The following ZNF518A variants were observed in gnomAD, a reference collection of about 807,000 sequenced individuals.
The protein encoded by ZNF518A is zinc finger protein 518.
In ZNF518A, 47 loss-of-function variants were observed where a neutral mutation model predicts 102.7. That is an observed-to-expected ratio of 0.46 (90% CI 0.36 to 0.58). The LOEUF (loss-of-function observed/expected upper bound fraction) is 0.58, where lower values mean the gene tolerates loss of function less well. ZNF518A is among the 20% of genes least tolerant of loss of function. The probability of loss-of-function intolerance (pLI) is 0.00; values close to 1 mark genes in which losing one functional copy is unlikely to be tolerated. For synonymous variants in ZNF518A, 652 were observed against 594.6 expected (o/e 1.10, Z -1.40); for missense variants, 1,793 against 1,699.8 (o/e 1.05, Z -0.96).
chr10:96,138,246 C>T (rs1033635735), intron 3 of ZNF518A, among the ~76,000 whole-genome samples: 2 of 152,152 alleles, frequency 1.3e-5, no homozygotes, highest in African/African-American at 2.4e-5. Flanking sequence ...AATTCTCTGC[C>T]CACAATGCTC....
chr10:96,153,385 C>G (rs916313280), intron 3 of ZNF518A, among the ~76,000 whole-genome samples: 16 of 152,166 alleles, frequency 1.1e-4, no homozygotes, highest in African/African-American at 3.9e-4. Context: ...TCTAGGTATT[C>G]CTTAATCCAG....
At chr10:96,150,168 C>T (rs78756582) in intron 3 of ZNF518A, among the ~76,000 whole-genome samples, 1 of 132,658 alleles carries the variant, frequency 7.5e-6, no homozygotes, top group Admixed American at 7.4e-5. Flanking sequence ...ACTAAAAATA[C>T]AAAAAAAAAA....
chr10:96,176,517 C>A (rs2083205508), intron 1 of ZNF518A, among the ~76,000 whole-genome samples: 1 of 152,168 alleles, frequency 6.6e-6, no homozygotes, highest in South Asian at 2.1e-4. Context: ...ATAATCCCAG[C>A]ATTTTGGGAG....
At chr10:96,138,702 T>C (rs2081746333) in intron 3 of ZNF518A, among the ~76,000 whole-genome samples, 1 of 152,216 alleles carries the variant, frequency 6.6e-6, no homozygotes. Flanking sequence ...TTTTGTCTGT[T>C]TGGTTTACTG....
At chr10:96,165,470 C>CAAAAA (rs35332637), downstream of ZNF518A, among the ~76,000 whole-genome samples, 3 of 112,368 alleles carry the variant, frequency 2.7e-5, no homozygotes, top group African/African-American at 3.0e-5. Flanking sequence ...CAACAACAAC[C>CAAAAA]AAAAAAAAAA....
chr10:96,164,679 C>G (rs1422258813), downstream of ZNF518A, among the ~76,000 whole-genome samples: 1 of 152,064 alleles, frequency 6.6e-6, no homozygotes, highest in African/African-American at 2.4e-5. Flanking sequence ...ATAATTGTTA[C>G]AAGAGTGGAA....
intron 3 of ZNF518A, among the ~76,000 whole-genome samples, chr10:96,143,362 C>T (rs1554877280): frequency 6.6e-6 from 1 of 152,136 alleles, no homozygotes; most frequent in African/African-American, 2.4e-5. Flanking sequence ...TCTCACTTAA[C>T]CTCCCCATCA....
At chr10:96,164,428 G>T (rs1554889620), downstream of ZNF518A, among the ~76,000 whole-genome samples, 1 of 152,056 alleles carries the variant, frequency 6.6e-6, no homozygotes, top group African/African-American at 2.4e-5. Flanking sequence ...TTTCAGGGTG[G>T]TATTTGTTGC....
intron 1 of ZNF518A, among the ~76,000 whole-genome samples, chr10:96,192,246 C>T (rs1166740240): frequency 6.6e-6 from 1 of 152,190 alleles, no homozygotes; most frequent in African/African-American, 2.4e-5. Context: ...AAGGCTGTAA[C>T]CTTCAAGGTG....
At chr10:96,165,375 G>A (rs2083123045), downstream of ZNF518A, among the ~76,000 whole-genome samples, 1 of 151,586 alleles carries the variant, frequency 6.6e-6, no homozygotes, top group Non-Finnish European at 1.5e-5. Context: ...CCCAAAGTCT[G>A]GGATTATAGG....
chr10:96,156,780 A>C lies in ZNF518A; in HGVS notation c.458A>C (p.Glu153Ala). The C allele has an allele frequency of 6.2e-7, 1 of 1,613,960 alleles. No individual in the cohort carries two copies. Among genetic ancestry groups the C allele is most frequent in the South Asian group, 1.1e-5 (1 of 91,088 alleles). Residue 153 changes from glutamate (E) to alanine (A), a missense_variant, in exon 6 of 6, where the codon GAA becomes GCA. Glu to Ala is a moderately radical substitution (Grantham distance 107). This residue lies in a region of ZNF518A where 1,741 missense variants were observed against 1,622.6 expected (regional missense o/e 1.07). Coordinates refer to ENST00000316045, the MANE Select transcript of ZNF518A (RefSeq NM_001330736.2). Reference sequence around the variant, plus strand: ...GGCGAATTACCTTCATATCCTTGTGAAATGTGCAACTTTTCAGCAAATGAC... The same window carrying C: ...GGCGAATTACCTTCATATCCTTGTGCAATGTGCAACTTTTCAGCAAATGAC... Reference protein sequence around the residue: ...HHGELPSYPCEMCNFSANDFQ... With the variant: ...HHGELPSYPCAMCNFSANDFQ...
intron 3 of ZNF518A, among the ~76,000 whole-genome samples, chr10:96,154,133 C>G (rs1257831148): frequency 5.9e-5 from 9 of 152,076 alleles, no homozygotes; most frequent in Non-Finnish European, 1.2e-4. Flanking sequence ...CTTTCTACAC[C>G]CAGCCTGGGC....
rs782696135 is a variant in ZNF518A, at chr10:96,158,637, G to A, written c.2315G>A (p.Ser772Asn). Residue 772 changes from serine (S) to asparagine (N), a missense_variant, in exon 6 of 6, where the codon AGC becomes AAC. Physicochemically the swap from Ser to Asn is conservative, Grantham distance 46. This residue lies in a region of ZNF518A where 1,741 missense variants were observed against 1,622.6 expected (regional missense o/e 1.07). Coordinates refer to ENST00000316045, the MANE Select transcript of ZNF518A (RefSeq NM_001330736.2). Reference protein sequence around the residue: ...PRITSVFSLQSQQASEFLPPE... With the variant: ...PRITSVFSLQNQQASEFLPPE... The stretch of plus-strand genomic sequence containing the variant: ...ATCACATCTGTTTTCTCTCTCCAGA[G>A]CCAACAGGCATCAGAATTTCTGCCA... 8.1e-6 allele frequency: 13 copies of A among 1,613,172 alleles called. No individual in the cohort carries two copies. The East Asian group carries it at 2.9e-4, about 36-fold the overall frequency.
chr10:96,167,736 A>G (rs587758651), downstream of ZNF518A, among the ~76,000 whole-genome samples: 2 of 152,338 alleles, frequency 1.3e-5, no homozygotes, highest in African/African-American at 2.4e-5. Context: ...TCTTCACACT[A>G]TGTACACAAA....
At chr10:96,197,204 G>T in intron 1 of ZNF518A, 1 of 634,146 alleles carries the variant, frequency 1.6e-6, no homozygotes. Flanking sequence ...TTATTGATTA[G>T]CGCTTGTCTT....
In ZNF518A at chr10:96,200,840, T is replaced by C; in HGVS notation, n.36-2734T>C. The C allele has an allele frequency of 1.2e-6, 1 of 819,010 alleles. No individual in the cohort carries two copies. The highest frequency in any genetic ancestry group is 1.8e-5 in the Admixed American group (1 of 55,454). 50.7% of individuals were successfully genotyped at this position (819,010 alleles called of 1,614,324 possible). A position where few individuals can be genotyped will look rare whatever the true frequency, so the allele number is the denominator to read the frequency against. ...ACAACAACTGGGTATTCTGTCCCTA[T>C]TACCAAATGACAGTTCACATAATGA... On this transcript the variant is annotated intron_variant and non_coding_transcript_variant, in intron 1 of 2. Coordinates refer to the ZNF518A transcript ENST00000442635. This position sits in a 1 kb window ranked among gnomAD's most constrained non-coding sequence, Gnocchi z 4.3.
In ZNF518A at chr10:96,157,525, T is replaced by A. The variant is rs1024045902; in HGVS notation, c.1203T>A (p.Gly401=). 1.2e-6 allele frequency: 2 copies of A among 1,613,580 alleles called. No homozygotes were observed. The highest frequency in any genetic ancestry group is 1.7e-6 in the Non-Finnish European group (2 of 1,179,758). ...CAACTCCTCTGTCCACTGGGCAAGG[T>A]AATAGAGCTGAAGAGGGACCAAACG... ...EKPTPLSTGQ[G]NRAEEGPNAS... The change falls in exon 6 of 6, where the codon GGT becomes GGA. Residue 401 remains glycine, a synonymous_variant. Transcript: ENST00000316045.
rs1226203758 is a variant in ZNF518A at position 96,130,689 on chromosome 10, G to A, written c.-516G>A. 8 of 152,360 alleles carry A rather than the reference G, an allele frequency of 5.3e-5. No individual in the cohort carries two copies. The highest frequency in any genetic ancestry group is 5.2e-4 in the Admixed American group (8 of 15,292). The allele number at this position is 152,360 out of a possible 1,614,324, so 9.4% of individuals were successfully genotyped here. ...GCTGGCCCAGCGTATGGTCATTGGG[G>A]GCCATTTCTTGCAGAGATGCCCTGC... On this transcript the variant is annotated 5_prime_UTR_variant, in exon 1 of 6. Transcript: ENST00000316045.
At chr10:96,136,569 C>T (rs1480273118) in intron 3 of ZNF518A, among the ~76,000 whole-genome samples, 1 of 151,616 alleles carries the variant, frequency 6.6e-6, no homozygotes, top group Non-Finnish European at 1.5e-5. Flanking sequence ...CCTGTAGTCC[C>T]AGCACATTGA....
Sources: allele counts gnomAD v4.1 joint callset (sites outside exome capture counted in the v4.1 genomes callset), GRCh38; gene constraint gnomAD v4.1.1; regional missense constraint gnomAD v4.1.1; non-coding constraint Gnocchi (gnomAD v3.1); transcripts MANE v1.5; gene names NCBI Gene and HGNC (gene_info 2026-07-23, HGNC 2026-07-21).